DPYD: variants seen among roughly 807,000 people sequenced by gnomAD.
The protein encoded by DPYD is dihydropyrimidine dehydrogenase [NADP(+)].
DPYD carries 109 observed loss-of-function variants against 116.2 expected under a neutral mutation model. That is an observed-to-expected ratio of 0.94 (90% CI 0.80 to 1.10). DPYD has a LOEUF of 1.10. Ranked by LOEUF, DPYD falls within the 50% of genes least tolerant of loss-of-function variation. The pLI is 0.00. For missense variants in DPYD, 1,302 were observed against 1,254.5 expected (o/e 1.04, Z -0.57); for synonymous variants, 440 against 432.0 (o/e 1.02, Z -0.23).
At chr1:97,437,514 A>G (rs1675533774) in intron 14 of DPYD, among the ~76,000 whole-genome samples, 1 of 151,796 alleles carries the variant, frequency 6.6e-6, no homozygotes, top group South Asian at 2.1e-4. Context: ...ACTTCTATGA[A>G]CATTCCCGTA....
At chr1:97,593,858 T>C (rs1291072219) in intron 9 of DPYD, among the ~76,000 whole-genome samples, 1 of 152,192 alleles carries the variant, frequency 6.6e-6, no homozygotes, top group Admixed American at 6.5e-5. Flanking sequence ...TTTGTTAACT[T>C]TGAATATTAA....
At chr1:97,442,842 C>A (rs1456325164) in intron 14 of DPYD, among the ~76,000 whole-genome samples, 1 of 152,138 alleles carries the variant, frequency 6.6e-6, no homozygotes, top group Non-Finnish European at 1.5e-5. Context: ...AAAAGCTATA[C>A]ACATGCTGTT....
intron 22 of DPYD, among the ~76,000 whole-genome samples, chr1:97,079,587 A>C (rs1290795496): frequency 6.6e-6 from 1 of 152,156 alleles, no homozygotes; most frequent in East Asian, 1.9e-4. Flanking sequence ...GAGGCAATGA[A>C]TACATTTGTT....
intron 3 of DPYD, among the ~76,000 whole-genome samples, chr1:97,782,712 T>C (rs1666818475): frequency 6.6e-6 from 1 of 152,228 alleles, no homozygotes; most frequent in Non-Finnish European, 1.5e-5. Context: ...CTACTTTATA[T>C]GACAATCCCT....
At chr1:97,283,570 T>C (rs748298404) in intron 18 of DPYD, among the ~76,000 whole-genome samples, 57 of 152,148 alleles carry the variant, frequency 3.7e-4, no homozygotes, top group Non-Finnish European at 6.5e-4. Context: ...TCATTTCTAA[T>C]TTGAACTAAA....
At chr1:97,703,785 A>G (rs1661740657) in intron 5 of DPYD, among the ~76,000 whole-genome samples, 1 of 152,088 alleles carries the variant, frequency 6.6e-6, no homozygotes, top group South Asian at 2.1e-4. Context: ...AGTTAATGGG[A>G]AATAAATAAT....
intron 18 of DPYD, among the ~76,000 whole-genome samples, chr1:97,287,359 G>A (rs1326424268): frequency 6.6e-6 from 1 of 152,194 alleles, no homozygotes; most frequent in Non-Finnish European, 1.5e-5. Flanking sequence ...TCCCAGTTAG[G>A]CTGCTCGGGG....
chr1:97,753,516 T>A (rs1306416184), intron 3 of DPYD, among the ~76,000 whole-genome samples: 1 of 152,108 alleles, frequency 6.6e-6, no homozygotes, highest in Non-Finnish European at 1.5e-5. Context: ...TGATAGCCAG[T>A]AATCCCAGAG....
chr1:97,176,281 T>C (rs1437235045), intron 20 of DPYD, among the ~76,000 whole-genome samples: 1 of 152,194 alleles, frequency 6.6e-6, no homozygotes, highest in Non-Finnish European at 1.5e-5. Context: ...AGGCAGGCCA[T>C]GAGAAGCCTT....
intron 16 of DPYD, among the ~76,000 whole-genome samples, chr1:97,329,278 T>C (rs1197482104): frequency 2.0e-5 from 3 of 152,196 alleles, no homozygotes; most frequent in African/African-American, 7.2e-5. Context: ...TTATCCGTAT[T>C]AGAGTGGGAA....
intron 2 of DPYD, among the ~76,000 whole-genome samples, chr1:97,847,599 T>A (rs939684031): frequency 6.6e-6 from 1 of 152,194 alleles, no homozygotes; most frequent in African/African-American, 2.4e-5. Flanking sequence ...TTGACTCTGA[T>A]ACTTATTGAC....
chr1:97,396,342 T>TG (rs1260119786), intron 14 of DPYD, among the ~76,000 whole-genome samples: 1 of 151,882 alleles, frequency 6.6e-6, no homozygotes, highest in Non-Finnish European at 1.5e-5. Flanking sequence ...TTGAATGATT[T>TG]TTTTGTGCTC....
intron 19 of DPYD, among the ~76,000 whole-genome samples, chr1:97,203,653 T>A (rs1245433289): frequency 4.1e-5 from 4 of 97,478 alleles, no homozygotes; most frequent in East Asian, 3.0e-4. Flanking sequence ...TAATAAAGGA[T>A]GAGTTCAGAC....
intron 17 of DPYD, 73 bp from the exon 18 acceptor site, chr1:97,305,451 C>T (rs902517187): frequency 6.9e-6 from 11 of 1,599,748 alleles, no homozygotes; most frequent in Non-Finnish European, 8.5e-6. Context: ...CAAACCCTCA[C>T]ATCCCAGAAA....
At chr1:97,206,679 T>TAC (rs1659647078) in intron 19 of DPYD, among the ~76,000 whole-genome samples, 1 of 90,156 alleles carries the variant, frequency 1.1e-5, no homozygotes, top group Non-Finnish European at 2.2e-5. Flanking sequence ...TATATATATA[T>TAC]ATATATATAA....
intron 20 of DPYD, among the ~76,000 whole-genome samples, chr1:97,133,237 T>C (rs966786620): frequency 1.3e-5 from 2 of 152,136 alleles, no homozygotes; most frequent in Non-Finnish European, 2.9e-5. Flanking sequence ...ATTTGGGTTA[T>C]ATATTACATA....
intron 16 of DPYD, among the ~76,000 whole-genome samples, chr1:97,362,889 A>G (rs56013752): frequency 0.055 from 8,314 of 152,278 alleles, 325 homozygotes; most frequent in East Asian, 0.17. Flanking sequence ...GGACACAGGC[A>G]TGGGAAAGGA....
intron 10 of DPYD, among the ~76,000 whole-genome samples, chr1:97,581,176 A>C (rs1282433400): frequency 1.4e-5 from 2 of 142,182 alleles, no homozygotes; most frequent in East Asian, 2.0e-4. Flanking sequence ...ACAACAACAA[A>C]AATTAGCTGG....
intron 11 of DPYD, among the ~76,000 whole-genome samples, chr1:97,557,506 G>C (rs1651833515): frequency 6.6e-6 from 1 of 151,668 alleles, no homozygotes; most frequent in African/African-American, 2.4e-5. Context: ...AGTAGGGATG[G>C]GGTTTCAGCA....
Sources: gnomAD v4.1 joint callset for allele counts (sites outside exome capture counted in the v4.1 genomes callset) on GRCh38, gnomAD v4.1.1 for gene constraint, MANE v1.5 for transcripts, NCBI Gene and HGNC (gene_info 2026-07-23, HGNC 2026-07-21) for gene names.